The following CMTM4 variants were observed in gnomAD, a reference collection of about 807,000 sequenced individuals.
CMTM4 encodes the protein CKLF-like MARVEL transmembrane domain-containing protein 4.
Under a neutral mutation model 19.0 loss-of-function variants are expected in CMTM4, and 8 were observed. That is an observed-to-expected ratio of 0.42 (90% CI 0.25 to 0.76). The LOEUF (loss-of-function observed/expected upper bound fraction) is 0.76. CMTM4 is among the 30% of genes least tolerant of loss of function. The pLI is 0.27. For missense variants in CMTM4, 228 were observed against 290.2 expected, an observed-to-expected ratio of 0.79 and a Z score of 1.56; for synonymous variants, 106 against 121.1, an observed-to-expected ratio of 0.88 and a Z score of 0.82.
chr16:66,671,726 A>G (rs2016711140), intron 1 of CMTM4, among the ~76,000 whole-genome samples: 1 of 152,184 alleles, frequency 6.6e-6, no homozygotes, highest in South Asian at 2.1e-4. Flanking sequence ...CTCTACCCAA[A>G]TAGACCATCA....
chr16:66,631,152 G>A (rs1230469588), intron 2 of CMTM4, among the ~76,000 whole-genome samples: 4 of 151,242 alleles, frequency 2.6e-5, no homozygotes, highest in South Asian at 4.2e-4. Flanking sequence ...CAGCCACCCC[G>A]TCCGGGAGGG....
intron 1 of CMTM4, among the ~76,000 whole-genome samples, chr16:66,652,060 A>G (rs2016320768): frequency 6.6e-6 from 1 of 151,624 alleles, no homozygotes; most frequent in South Asian, 2.1e-4. Flanking sequence ...GATGGCCCTC[A>G]GGAGCTAAAG....
intron 1 of CMTM4, among the ~76,000 whole-genome samples, chr16:66,656,067 T>G (rs1404516018): frequency 6.6e-6 from 1 of 152,232 alleles, no homozygotes; most frequent in South Asian, 2.1e-4. Flanking sequence ...ATTGTGCCAA[T>G]GCATTCTAGC....
At chr16:66,648,039 A>G (rs1426710193) in intron 1 of CMTM4, among the ~76,000 whole-genome samples, 1 of 152,168 alleles carries the variant, frequency 6.6e-6, no homozygotes, top group East Asian at 1.9e-4. Context: ...TGGCTGCCAA[A>G]TATTTGTGGT....
chr16:66,628,134 T>G (rs2015779687), intron 2 of CMTM4, among the ~76,000 whole-genome samples: 1 of 152,226 alleles, frequency 6.6e-6, no homozygotes, highest in African/African-American at 2.4e-5. Context: ...CCAACATGTC[T>G]CGCCTCCCGC....
chr16:66,647,069 A>G (rs2016215817), intron 1 of CMTM4, among the ~76,000 whole-genome samples: 1 of 148,360 alleles, frequency 6.7e-6, no homozygotes, highest in South Asian at 2.1e-4. Flanking sequence ...CAATCCCAAC[A>G]CTTTGGGAGG....
At chr16:66,638,401 C>T (rs112190803) in intron 1 of CMTM4, among the ~76,000 whole-genome samples, 58 of 152,378 alleles carry the variant, frequency 3.8e-4, no homozygotes, top group African/African-American at 1.3e-3. Flanking sequence ...CACAGAACCT[C>T]TTTCCTAACA....
intron 2 of CMTM4, among the ~76,000 whole-genome samples, chr16:66,635,617 T>G (rs142998254): frequency 1.1e-3 from 160 of 152,254 alleles, no homozygotes; most frequent in African/African-American, 3.7e-3. Flanking sequence ...TGCTTCCCCC[T>G]CAGCAGCTGA....
chr16:66,630,303 C>CCCCTCA (rs1438281253), intron 2 of CMTM4, among the ~76,000 whole-genome samples: 1 of 108,472 alleles, frequency 9.2e-6, no homozygotes, highest in Non-Finnish European at 1.9e-5. Flanking sequence ...TCTCCCCCTC[C>CCCCTCA]CCCTCACCCT....
At chr16:66,657,813 A>G (rs1323021471) in intron 1 of CMTM4, among the ~76,000 whole-genome samples, 2 of 152,264 alleles carry the variant, frequency 1.3e-5, no homozygotes, top group Non-Finnish European at 2.9e-5. Context: ...AATCAAAAGA[A>G]TCAGCATTTA....
chr16:66,636,660 A>G (rs746863915), intron 1 of CMTM4, 79 bp from the exon 2 acceptor site: 17 of 1,180,130 alleles, frequency 1.4e-5, no homozygotes, highest in Non-Finnish European at 1.7e-5. Flanking sequence ...CCATGCTTAT[A>G]TAACACTGAA....
intron 1 of CMTM4, among the ~76,000 whole-genome samples, chr16:66,683,675 C>T (rs931176655): frequency 6.6e-6 from 1 of 151,944 alleles, no homozygotes; most frequent in African/African-American, 2.4e-5. Flanking sequence ...CAGCAGGGAA[C>T]TTGAAAGCCA....
intron 1 of CMTM4, among the ~76,000 whole-genome samples, chr16:66,680,910 C>CA (rs2016903018): frequency 6.6e-6 from 1 of 151,742 alleles, no homozygotes; most frequent in Admixed American, 6.6e-5. Flanking sequence ...TGGATCTACT[C>CA]AAAGTCTCTG....
At chr16:66,678,751 T>C (rs2016853270) in intron 1 of CMTM4, among the ~76,000 whole-genome samples, 1 of 152,226 alleles carries the variant, frequency 6.6e-6, no homozygotes, top group Non-Finnish European at 1.5e-5. Context: ...AATGTCCTAC[T>C]GTTTCCCTCA....
In CMTM4 at chr16:66,620,989, G is replaced by A. The variant is rs1465688282; in HGVS notation, c.*1069C>T. 17 of 985,672 alleles carry A rather than the reference G, an allele frequency of 1.7e-5. No individual in the cohort carries two copies. The highest frequency in any genetic ancestry group is 4.7e-5 in the South Asian group (1 of 21,282). The allele number at this position is 985,672 out of a possible 1,614,324, so 61.1% of individuals were successfully genotyped here. ...ATGTCTACAGTTATGACACTGAGGCGCCCAAAGCGACAATTAGTGCCTTCT... is the reference window on the plus strand; with the variant it reads ...ATGTCTACAGTTATGACACTGAGGCACCCAAAGCGACAATTAGTGCCTTCT... On this transcript the variant is annotated 3_prime_UTR_variant, in exon 4 of 4. Coordinates refer to ENST00000394106, the MANE Select transcript of CMTM4 (RefSeq NM_181521.3).
intron 1 of CMTM4, among the ~76,000 whole-genome samples, chr16:66,687,669 C>T (rs1262960013): frequency 6.7e-6 from 1 of 150,128 alleles, no homozygotes; most frequent in East Asian, 2.0e-4. Flanking sequence ...AACCAAATAC[C>T]GTAAAAAGGG....
chr16:66,604,819 A>G, the CMTM4 span: 1 of 1,282,402 alleles, frequency 7.8e-7, no homozygotes, highest in Non-Finnish European at 9.8e-7. Context: ...TGGCCCCCAG[A>G]CCCCGACCCC....
At chr16:66,637,734 G>C (rs372622765) in intron 1 of CMTM4, among the ~76,000 whole-genome samples, 2 of 152,230 alleles carry the variant, frequency 1.3e-5, no homozygotes, top group South Asian at 4.2e-4. Context: ...GAAAGGTTTC[G>C]AGCACCTAAA....
chr16:66,678,385 C>G (rs910923791), intron 1 of CMTM4, among the ~76,000 whole-genome samples: 1 of 152,108 alleles, frequency 6.6e-6, no homozygotes, highest in African/African-American at 2.4e-5. Flanking sequence ...AAAAATCCAG[C>G]CCCCTCTCGC....
Sources: allele counts gnomAD v4.1 joint callset (sites outside exome capture counted in the v4.1 genomes callset), GRCh38; gene constraint gnomAD v4.1.1; transcripts MANE v1.5; gene names NCBI Gene and HGNC (gene_info 2026-07-23, HGNC 2026-07-21).